Variants in PRICKLE2 observed in about 807,000 individuals in gnomAD.
PRICKLE2 encodes the protein prickle planar cell polarity protein 2.
PRICKLE2 carries 21 observed loss-of-function variants against 81.4 expected under a neutral mutation model. That is an observed-to-expected ratio of 0.26 (90% CI 0.18 to 0.37). The LOEUF (loss-of-function observed/expected upper bound fraction) is 0.37, where lower values mean the gene tolerates loss of function less well. Among genes scored for constraint, PRICKLE2 ranks in the 10% least tolerant of loss-of-function variants. The pLI, the probability that PRICKLE2 is intolerant of heterozygous loss-of-function variation, is 1.00. For synonymous variants in PRICKLE2, 456 were observed against 421.5 expected (o/e 1.08, Z -1.00); for missense variants, 940 against 1,109.0 (o/e 0.85, Z 2.16).
chr3:64,243,390 A>G (rs1252192401), intron 2 of PRICKLE2, among the ~76,000 whole-genome samples: 1 of 152,212 alleles, frequency 6.6e-6, no homozygotes, highest in African/African-American at 2.4e-5. Flanking sequence ...TGAAAACCAA[A>G]TATATCTCCA....
rs553241742 is a variant in PRICKLE2, at chr3:64,120,788, C to G, written c.1661-20863G>C. ...CAACCAGGGGCTGTACCTGAGCATG[C>G]CACACTCCCAGGCTTCTGGCCAGGC... On this transcript the variant is annotated intron_variant, in intron 7 of 7. Transcript: ENST00000638394. 6.2e-4 allele frequency among the ~76,000 whole-genome samples: 94 copies of G among 152,262 alleles called. 1 individual carries two copies. The highest frequency in any genetic ancestry group is 1.1e-3 in the Non-Finnish European group (74 of 68,016).
intron 2 of PRICKLE2, among the ~76,000 whole-genome samples, chr3:64,232,604 A>T (rs547525374): frequency 1.2e-3 from 171 of 147,080 alleles, no homozygotes; most frequent in African/African-American, 3.3e-3. Context: ...AATGCTGGAG[A>T]ACCTGCGGCT....
intron 2 of PRICKLE2, among the ~76,000 whole-genome samples, chr3:64,248,190 G>A (rs2079388162): frequency 6.6e-6 from 1 of 152,192 alleles, no homozygotes; most frequent in Non-Finnish European, 1.5e-5. Flanking sequence ...ATTTTTGTGA[G>A]TCATTCTCAC....
chr3:64,204,943 G>C (rs531981682), intron 1 of PRICKLE2, among the ~76,000 whole-genome samples: 46 of 152,186 alleles, frequency 3.0e-4, no homozygotes, highest in African/African-American at 1.1e-3. Context: ...TTGGCAAAAT[G>C]CACACAGCAA....
intron 2 of PRICKLE2, among the ~76,000 whole-genome samples, chr3:64,264,244 C>G (rs143262693): frequency 6.6e-6 from 1 of 152,164 alleles, no homozygotes; most frequent in Non-Finnish European, 1.5e-5. Context: ...CCTTCATCAT[C>G]TGTGAAATAG....
chr3:64,234,031 A>C (rs1575697216), intron 2 of PRICKLE2, among the ~76,000 whole-genome samples: 1 of 152,130 alleles, frequency 6.6e-6, no homozygotes, highest in South Asian at 2.1e-4. Context: ...GTAATATTCC[A>C]TTGTACTAAT....
chr3:64,185,756 CA>C (rs2078218142), intron 2 of PRICKLE2, among the ~76,000 whole-genome samples: 1 of 152,228 alleles, frequency 6.6e-6, no homozygotes, highest in Admixed American at 6.5e-5. Context: ...AGAGTAACTT[CA>C]TTCATTCATT....
intron 7 of PRICKLE2, among the ~76,000 whole-genome samples, chr3:64,120,714 C>T (rs979872204): frequency 1.3e-5 from 2 of 152,176 alleles, no homozygotes; most frequent in Non-Finnish European, 2.9e-5. Context: ...GAAAGCCTAG[C>T]TCCCCTTGTT....
At chr3:64,144,778 C>G (rs1332624170) in intron 7 of PRICKLE2, among the ~76,000 whole-genome samples, 1 of 152,230 alleles carries the variant, frequency 6.6e-6, no homozygotes, top group African/African-American at 2.4e-5. Context: ...GCACAAAGAG[C>G]TCAGTATGTG....
At chr3:64,254,231 C>T (rs1162606924) in intron 2 of PRICKLE2, among the ~76,000 whole-genome samples, 1 of 152,154 alleles carries the variant, frequency 6.6e-6, no homozygotes, top group Admixed American at 6.5e-5. Flanking sequence ...ACTTTCACCT[C>T]CTATTTTATT....
At chr3:64,119,932 T>C (rs2076999295) in intron 7 of PRICKLE2, among the ~76,000 whole-genome samples, 1 of 152,196 alleles carries the variant, frequency 6.6e-6, no homozygotes, top group Admixed American at 6.5e-5. Context: ...TGGAGGCCAT[T>C]TTCCCAAGTG....
chr3:64,146,213 G>C (rs1271580922), intron 7 of PRICKLE2: 1 of 155,876 alleles, frequency 6.4e-6, no homozygotes. Flanking sequence ...GTGGGATCAG[G>C]CAGAAGCCAG....
intron 2 of PRICKLE2, among the ~76,000 whole-genome samples, chr3:64,263,826 A>T (rs1313724317): frequency 1.3e-5 from 2 of 152,200 alleles, no homozygotes; most frequent in Non-Finnish European, 2.9e-5. Flanking sequence ...CAGAACTTAA[A>T]GAACCCAAGG....
chr3:64,215,600 T>C (rs923432498), intron 1 of PRICKLE2, among the ~76,000 whole-genome samples: 2 of 152,252 alleles, frequency 1.3e-5, no homozygotes, highest in Middle Eastern at 3.2e-3. Flanking sequence ...TTATTTTTCA[T>C]ATTTATTTTT....
Position 64,098,921 on chromosome 3 carries a change from C to G in PRICKLE2, c.*130G>C. ...AGTCAACCTGTAACCTTGCCTCCAT[C>G]TACTGACAGCATTTTCCCTTTTCTC... On this transcript the variant is annotated 3_prime_UTR_variant, in exon 8 of 8. Coordinates refer to ENST00000638394, the MANE Select transcript of PRICKLE2 (RefSeq NM_198859.4). 5 of 1,014,374 alleles carry G rather than the reference C, an allele frequency of 4.9e-6. No individual in the cohort carries two copies. The East Asian group carries it at 1.2e-4, about 25-fold the overall frequency. The allele number at this position is 1,014,374 out of a possible 1,614,324, so 62.8% of individuals were successfully genotyped here. A position where few individuals can be genotyped will look rare whatever the true frequency, so the allele number is the denominator to read the frequency against.
intron 7 of PRICKLE2, among the ~76,000 whole-genome samples, chr3:64,134,407 G>A (rs778734213): frequency 6.6e-6 from 1 of 152,210 alleles, no homozygotes; most frequent in Non-Finnish European, 1.5e-5. Flanking sequence ...TGGGACTAAT[G>A]ATTTTCATTG....
intron 2 of PRICKLE2, among the ~76,000 whole-genome samples, chr3:64,197,541 A>G (rs1430166637): frequency 2.0e-5 from 3 of 152,226 alleles, no homozygotes; most frequent in South Asian, 2.1e-4. Context: ...GTACAAGATC[A>G]TATCCTTTGG....
chr3:64,263,109 C>T (rs753418725), intron 2 of PRICKLE2, among the ~76,000 whole-genome samples: 6 of 152,312 alleles, frequency 3.9e-5, no homozygotes, highest in East Asian at 1.9e-4. Context: ...GTATGTTCCA[C>T]GCACACATGG....
chr3:64,196,254 C>T (rs1054870221), intron 2 of PRICKLE2, among the ~76,000 whole-genome samples: 1 of 152,152 alleles, frequency 6.6e-6, no homozygotes, highest in African/African-American at 2.4e-5. Flanking sequence ...TCTATTTAAG[C>T]AGGAAACTGA....
Sources: allele counts gnomAD v4.1 joint callset (sites outside exome capture counted in the v4.1 genomes callset), GRCh38; gene constraint gnomAD v4.1.1; transcripts MANE v1.5; gene names NCBI Gene and HGNC (gene_info 2026-07-23, HGNC 2026-07-21).